ARMH3: variants seen among roughly 807,000 people sequenced by gnomAD.
The protein encoded by ARMH3 is armadillo-like helical domain-containing protein 3.
A neutral mutation model predicts 99.1 loss-of-function variants in ARMH3; 60 were observed. The ratio of observed to expected loss-of-function variants is 0.61; its 90% CI spans 0.49 to 0.75. ARMH3 has a LOEUF of 0.75. ARMH3 is among the 30% of genes least tolerant of loss of function. ARMH3 has a pLI of 0.00. For synonymous variants in ARMH3, 285 were observed against 292.8 expected, an observed-to-expected ratio of 0.97 and a Z score of 0.27; for missense variants, 679 against 843.1, an observed-to-expected ratio of 0.81 and a Z score of 2.41.
chr10:102,039,178 T>C (rs567549031), intron 2 of ARMH3, among the ~76,000 whole-genome samples: 3 of 152,006 alleles, frequency 2.0e-5, no homozygotes, highest in African/African-American at 7.2e-5. Flanking sequence ...AGGGTCTTAC[T>C]CTGTTGCCCA....
At chr10:101,940,548 C>G (rs1157007768) in intron 22 of ARMH3, among the ~76,000 whole-genome samples, 2 of 151,932 alleles carry the variant, frequency 1.3e-5, no homozygotes, top group Non-Finnish European at 2.9e-5. Context: ...GTGTGCTGCA[C>G]CCAATAACTC....
At chr10:102,048,864 C>G (rs944763900) in intron 1 of ARMH3, among the ~76,000 whole-genome samples, 3 of 152,300 alleles carry the variant, frequency 2.0e-5, no homozygotes, top group South Asian at 2.1e-4. Flanking sequence ...AAGTTACCTG[C>G]TCCCTAAGCC....
Position 101,845,971 on chromosome 10 carries a change from T to C in ARMH3, c.*1557A>G, listed in dbSNP as rs2066459454. ...CCAGTGCTGTTTGCTCCCGCCATCC[T>C]GAGGGCTTTAGAAAGTGCTTTAAAA... On this transcript the variant is annotated 3_prime_UTR_variant, in exon 26 of 26. Transcript: ENST00000370033. The C allele has an allele frequency of 6.6e-6, 1 of 152,252 alleles. No individual in the cohort carries two copies. The highest frequency in any genetic ancestry group is 6.5e-5 in the Admixed American group (1 of 15,280). The allele number at this position is 152,252 out of a possible 1,614,324, so 9.4% of individuals were successfully genotyped here. A position where few individuals can be genotyped will look rare whatever the true frequency, so the allele number is the denominator to read the frequency against.
At chr10:101,879,506 C>A (rs1299955803) in intron 24 of ARMH3, among the ~76,000 whole-genome samples, 11 of 151,946 alleles carry the variant, frequency 7.2e-5, no homozygotes, top group Non-Finnish European at 1.5e-5. Context: ...CCCACCACCA[C>A]GCCTTGCTAA....
intron 24 of ARMH3, among the ~76,000 whole-genome samples, chr10:101,885,716 A>T (rs1432577912): frequency 6.6e-6 from 1 of 152,204 alleles, no homozygotes; most frequent in Admixed American, 6.5e-5. Flanking sequence ...ATGGTTGCAC[A>T]ACAATGTGAA....
At chr10:101,856,665 T>C (rs1413591252) in intron 24 of ARMH3, among the ~76,000 whole-genome samples, 2 of 152,212 alleles carry the variant, frequency 1.3e-5, no homozygotes, top group Non-Finnish European at 1.5e-5. Context: ...ATTTTCATAA[T>C]AATTTCCATC....
intron 8 of ARMH3, among the ~76,000 whole-genome samples, chr10:102,021,702 T>C (rs1280710355): frequency 6.6e-6 from 1 of 151,950 alleles, no homozygotes; most frequent in East Asian, 1.9e-4. Context: ...TGCCCGCCAC[T>C]ACGCCCGGCT....
chr10:101,922,928 G>T (rs1327456473), intron 23 of ARMH3, among the ~76,000 whole-genome samples: 2 of 152,122 alleles, frequency 1.3e-5, no homozygotes, highest in South Asian at 2.1e-4. Context: ...GGTGTCTAAT[G>T]AGAGAGAAAT....
At chr10:102,041,090 A>AATATATATATATATATATATATAAT (rs59124276) in intron 1 of ARMH3, among the ~76,000 whole-genome samples, 33 of 132,636 alleles carry the variant, frequency 2.5e-4, no homozygotes, top group African/African-American at 2.7e-4. Context: ...ATATATATAT[A>AATATATATATATATATATATATAAT]ATATATATAT....
chr10:102,040,300 A>G (rs1388571404), intron 1 of ARMH3, among the ~76,000 whole-genome samples, 175 bp from the exon 2 acceptor site: 2 of 152,232 alleles, frequency 1.3e-5, no homozygotes, highest in Non-Finnish European at 2.9e-5. Flanking sequence ...TTCATCATTT[A>G]TAACAAATGC....
At chr10:101,880,673 G>C (rs1035432627) in intron 24 of ARMH3, among the ~76,000 whole-genome samples, 1 of 151,904 alleles carries the variant, frequency 6.6e-6, no homozygotes, top group African/African-American at 2.4e-5. Context: ...CCCAGCAATT[G>C]TTAAACATTT....
intron 1 of ARMH3, among the ~76,000 whole-genome samples, chr10:102,049,704 T>C (rs187675168): frequency 1.1e-4 from 17 of 151,164 alleles, no homozygotes; most frequent in Admixed American, 9.9e-4. Flanking sequence ...TACAGGCACA[T>C]GCCACCAGGC....
intron 2 of ARMH3, among the ~76,000 whole-genome samples, chr10:102,039,100 A>G (rs2067348201): frequency 6.6e-6 from 1 of 151,988 alleles, no homozygotes; most frequent in African/African-American, 2.4e-5. Flanking sequence ...CCAGAATTTC[A>G]GAAGGCAAGT....
chr10:101,882,367 A>G (rs757352939), intron 24 of ARMH3, among the ~76,000 whole-genome samples: 7 of 152,240 alleles, frequency 4.6e-5, no homozygotes, highest in Non-Finnish European at 8.8e-5. Context: ...AGGAAGTAAG[A>G]GCAGATATAA....
chr10:101,853,320 A>T (rs973711331), intron 24 of ARMH3, among the ~76,000 whole-genome samples: 1 of 152,274 alleles, frequency 6.6e-6, no homozygotes, highest in South Asian at 2.1e-4. Context: ...AAGGAAAAAG[A>T]CATTCTAGGC....
intron 23 of ARMH3, among the ~76,000 whole-genome samples, chr10:101,921,772 C>T (rs2135600790): frequency 1.3e-5 from 2 of 152,240 alleles, no homozygotes; most frequent in South Asian, 4.1e-4. Context: ...TAGGTAGTAG[C>T]TAAAAAGTTC....
At chr10:101,910,105 G>A (rs1036895602) in intron 23 of ARMH3, among the ~76,000 whole-genome samples, 1 of 152,126 alleles carries the variant, frequency 6.6e-6, no homozygotes, top group Non-Finnish European at 1.5e-5. Flanking sequence ...CAGTGATGCG[G>A]CCCTGGCAAG....
intron 24 of ARMH3, among the ~76,000 whole-genome samples, chr10:101,870,025 C>A (rs945027137): frequency 2.6e-5 from 4 of 152,072 alleles, no homozygotes; most frequent in Non-Finnish European, 5.9e-5. Flanking sequence ...GAAGTGAGAT[C>A]CTGTCTTAAA....
At chr10:101,891,272 T>C (rs2067684753) in intron 23 of ARMH3, among the ~76,000 whole-genome samples, 1 of 152,096 alleles carries the variant, frequency 6.6e-6, no homozygotes, top group Non-Finnish European at 1.5e-5. Context: ...CTCAGCTCCC[T>C]GCAACCTCCA....
Sources: gnomAD v4.1 joint callset for allele counts (sites outside exome capture counted in the v4.1 genomes callset) on GRCh38, gnomAD v4.1.1 for gene constraint, MANE v1.5 for transcripts, NCBI Gene and HGNC (gene_info 2026-07-23, HGNC 2026-07-21) for gene names.